The following PDE7B variants were observed in gnomAD, a reference collection of about 807,000 sequenced individuals.
PDE7B encodes 3',5'-cyclic-AMP phosphodiesterase 7B.
Under a neutral mutation model 56.2 loss-of-function variants are expected in PDE7B, and 29 were observed. The ratio of observed to expected loss-of-function variants is 0.52; its 90% CI spans 0.38 to 0.70. The LOEUF is 0.70. PDE7B is among the 30% of genes least tolerant of loss of function. The pLI is 0.00. For synonymous variants in PDE7B, 197 were observed against 196.9 expected (o/e 1.00, Z 0.00); for missense variants, 490 against 565.0 (o/e 0.87, Z 1.35).
intron 3 of PDE7B, among the ~76,000 whole-genome samples, chr6:136,117,970 A>T (rs1450905847): frequency 1.3e-5 from 2 of 152,124 alleles, no homozygotes; most frequent in African/African-American, 2.4e-5. Context: ...TCCTACTTAT[A>T]CTGTGAGCTT....
chr6:135,949,025 T>G (rs544545240), intron 2 of PDE7B, among the ~76,000 whole-genome samples: 6 of 152,016 alleles, frequency 3.9e-5, no homozygotes, highest in African/African-American at 1.4e-4. Flanking sequence ...CATCAAATAA[T>G]CTATTCAACA....
chr6:136,018,042 G>A (rs1193594228), intron 2 of PDE7B, among the ~76,000 whole-genome samples: 1 of 152,184 alleles, frequency 6.6e-6, no homozygotes, highest in East Asian at 1.9e-4. Flanking sequence ...GGTAGCCAGG[G>A]AAAATTTCAA....
intron 11 of PDE7B, among the ~76,000 whole-genome samples, chr6:136,181,662 G>C (rs1475869085): frequency 6.6e-6 from 1 of 152,084 alleles, no homozygotes; most frequent in Non-Finnish European, 1.5e-5. Flanking sequence ...ATTTTAATGA[G>C]CTGAGTGCAG....
At chr6:136,130,417 T>C (rs1778097818) in intron 3 of PDE7B, among the ~76,000 whole-genome samples, 1 of 152,170 alleles carries the variant, frequency 6.6e-6, no homozygotes, top group African/African-American at 2.4e-5. Context: ...CTTGCCTCTA[T>C]GCCATGTGGA....
intron 2 of PDE7B, among the ~76,000 whole-genome samples, chr6:136,016,593 A>G (rs999406277): frequency 2.0e-5 from 3 of 152,158 alleles, no homozygotes; most frequent in Non-Finnish European, 2.9e-5. Context: ...AACTAGCCCA[A>G]TGTTGCACAG....
chr6:136,070,650 T>G (rs957287305), intron 2 of PDE7B, among the ~76,000 whole-genome samples: 1 of 152,162 alleles, frequency 6.6e-6, no homozygotes, highest in Non-Finnish European at 1.5e-5. Context: ...ACATTGAAAA[T>G]TTTTTAATAC....
intron 2 of PDE7B, among the ~76,000 whole-genome samples, chr6:136,040,894 G>C (rs1162014626): frequency 6.6e-6 from 1 of 152,100 alleles, no homozygotes; most frequent in Non-Finnish European, 1.5e-5. Flanking sequence ...TGCCTTTCCT[G>C]ATCTCCAGCG....
At chr6:135,933,910 G>A (rs959081343) in intron 1 of PDE7B, among the ~76,000 whole-genome samples, 16 of 152,146 alleles carry the variant, frequency 1.1e-4, no homozygotes, top group Non-Finnish European at 1.8e-4. Context: ...GGATCTAAGA[G>A]GACCAAATAT....
chr6:135,977,159 T>A (rs1306147563), intron 2 of PDE7B, among the ~76,000 whole-genome samples: 2 of 151,990 alleles, frequency 1.3e-5, no homozygotes, highest in Admixed American at 6.6e-5. Flanking sequence ...AGAGGTAGAA[T>A]CCTCCCGCTT....
intron 2 of PDE7B, among the ~76,000 whole-genome samples, chr6:135,948,898 GA>G (rs1288739484): frequency 1.2e-4 from 15 of 126,692 alleles, no homozygotes; most frequent in Non-Finnish European, 1.4e-4. Flanking sequence ...TAGATAGATA[GA>G]CAGACAGACA....
chr6:135,909,748 C>T (rs938475726), intron 1 of PDE7B, among the ~76,000 whole-genome samples: 4 of 151,978 alleles, frequency 2.6e-5, no homozygotes, highest in African/African-American at 4.8e-5. Flanking sequence ...GGAGTTGCTG[C>T]GGGAAGATCA....
intron 1 of PDE7B, among the ~76,000 whole-genome samples, chr6:135,944,339 G>A (rs945899742): frequency 2.0e-5 from 3 of 152,118 alleles, no homozygotes; most frequent in Non-Finnish European, 4.4e-5. Context: ...ACAGCAAGCA[G>A]GAGCCTGGCA....
chr6:136,053,985 T>A (rs1157724909), intron 2 of PDE7B, among the ~76,000 whole-genome samples: 2 of 152,174 alleles, frequency 1.3e-5, no homozygotes, highest in Non-Finnish European at 2.9e-5. Context: ...ATTGCAGAAA[T>A]TTTCTCCCAT....
intron 8 of PDE7B, among the ~76,000 whole-genome samples, chr6:136,172,325 C>T (rs1778901141): frequency 6.6e-6 from 1 of 152,152 alleles, no homozygotes; most frequent in Non-Finnish European, 1.5e-5. Context: ...TTAATGATTG[C>T]CATTCTAACT....
intron 2 of PDE7B, among the ~76,000 whole-genome samples, chr6:136,061,705 C>G (rs115898162): frequency 6.6e-6 from 1 of 152,162 alleles, no homozygotes; most frequent in Non-Finnish European, 1.5e-5. Context: ...AGCATTGAAT[C>G]AATGCTGGGC....
At chr6:136,189,866 A>ATAGACACC (rs1779194341) in intron 12 of PDE7B, among the ~76,000 whole-genome samples, 1 of 152,172 alleles carries the variant, frequency 6.6e-6, no homozygotes, top group African/African-American at 2.4e-5. Flanking sequence ...CTTAATTTGA[A>ATAGACACC]AAACTGCCTC....
At chr6:135,923,596 T>C (rs142798925) in intron 1 of PDE7B, among the ~76,000 whole-genome samples, 2,624 of 152,120 alleles carry the variant, frequency 0.017, 45 homozygotes, top group Non-Finnish European at 0.021. Context: ...AAAAAGTAGA[T>C]GAATAGCTGT....
At chr6:136,037,681 C>T in intron 2 of PDE7B, 3 of 985,454 alleles carry the variant, frequency 3.0e-6, no homozygotes, top group Non-Finnish European at 3.6e-6. Flanking sequence ...CCTCACCTGA[C>T]ACCTCCAGAT....
Position 135,884,723 on chromosome 6 carries a change from C to T in PDE7B, c.21+32704C>T, listed in dbSNP as rs185372236. Among the ~76,000 whole-genome samples the T allele has an allele frequency of 1.6e-3, 248 of 152,250 alleles. 1 individual carries two copies. The highest frequency in any genetic ancestry group is 2.3e-3 in the Non-Finnish European group (159 of 68,020). On this transcript the variant is annotated intron_variant, in intron 1 of 12. Coordinates refer to ENST00000308191, the MANE Select transcript of PDE7B (RefSeq NM_018945.4). ...GATTAGTCAATAGATATTTATTGAA[C>T]ACTGGGATTGTATCATGTGTATCTT...
Sources: gnomAD v4.1 joint callset for allele counts (sites outside exome capture counted in the v4.1 genomes callset) on GRCh38, gnomAD v4.1.1 for gene constraint, MANE v1.5 for transcripts, NCBI Gene and HGNC (gene_info 2026-07-23, HGNC 2026-07-21) for gene names.